The following SHB variants were observed in gnomAD, a reference collection of about 807,000 sequenced individuals.
SHB encodes SH2 domain containing adaptor protein B, also known as SH2 domain-containing adapter protein B.
SHB carries 20 observed loss-of-function variants against 52.3 expected under a neutral mutation model. That is an observed-to-expected ratio of 0.38 (90% CI 0.27 to 0.56). The LOEUF (loss-of-function observed/expected upper bound fraction) is 0.56. SHB is among the 20% of genes least tolerant of loss of function. The pLI is 0.71. For synonymous variants in SHB, 397 were observed against 316.5 expected (o/e 1.25, Z -2.70); for missense variants, 825 against 723.3 (o/e 1.14, Z -1.61).
At chr9:38,061,875 C>T (rs754307685) in intron 1 of SHB, among the ~76,000 whole-genome samples, 5 of 152,206 alleles carry the variant, frequency 3.3e-5, no homozygotes, top group African/African-American at 4.8e-5. Flanking sequence ...ATGACAGTTA[C>T]AAGACTCACG....
intron 5 of SHB, among the ~76,000 whole-genome samples, chr9:37,932,973 T>G (rs1337364882): frequency 6.6e-6 from 1 of 152,178 alleles, no homozygotes; most frequent in Non-Finnish European, 1.5e-5. Flanking sequence ...ATATCTTCAT[T>G]ATACACAATA....
chr9:37,948,866 GCA>G, intron 4 of SHB, 112 bp from the exon 5 acceptor site: 1 of 1,397,744 alleles, frequency 7.2e-7, no homozygotes, highest in Non-Finnish European at 9.8e-7. Context: ...AAGCAGGCAT[GCA>G]CTGGTTCATT....
In SHB at chr9:38,055,250, A is replaced by G. The variant is rs1821799238; in HGVS notation, c.717+12679T>C. The stretch of plus-strand genomic sequence containing the variant: ...TTTTTCCTGGATTTATTCCCCATGA[A>G]CACTCCACGACTTAATCTTTTCCTT... On this transcript the variant is annotated intron_variant, in intron 1 of 5. Coordinates refer to ENST00000377707, the MANE Select transcript of SHB (RefSeq NM_003028.3). 2.0e-5 allele frequency among the ~76,000 whole-genome samples: 3 copies of G among 152,164 alleles called. No individual in the cohort carries two copies. The South Asian group carries it at 6.2e-4, about 31-fold the overall frequency.
At chr9:37,927,586 T>C (rs1320948584) in intron 5 of SHB, among the ~76,000 whole-genome samples, 1 of 152,190 alleles carries the variant, frequency 6.6e-6, no homozygotes, top group African/African-American at 2.4e-5. Context: ...ATAAGGCTCG[T>C]TTTAGCACAC....
chr9:38,067,947 C>G lies in SHB; in HGVS notation c.699G>C (p.Gly233=). 1 of 1,543,680 alleles carries G rather than the reference C, an allele frequency of 6.5e-7. No homozygotes were observed. Among genetic ancestry groups the G allele is most frequent in the Non-Finnish European group, 8.7e-7 (1 of 1,155,302 alleles). The change falls in exon 1 of 6, where the codon GGG becomes GGC. Residue 233 remains glycine (G), a synonymous_variant. Coordinates refer to ENST00000377707, the MANE Select transcript of SHB (RefSeq NM_003028.3). ...ACCTTACCTTGTCCTTCTTGCCGGC[C>G]CCGCTCTCCTCCGCGGCTGAGGCGG... ...KCAASAAEES[G]AGKKDKVTIA...
chr9:38,068,382 C>A lies in SHB; in HGVS notation c.264G>T (p.Lys88Asn). 1 of 1,576,286 alleles carries A rather than the reference C, an allele frequency of 6.3e-7. No homozygotes were observed. The highest frequency in any genetic ancestry group is 1.2e-5 in the South Asian group (1 of 86,248). The change falls in exon 1 of 6, where the codon AAG (lysine) becomes AAT (asparagine). Residue 88 changes from lysine (K) to asparagine (N), a missense_variant. Transcript: ENST00000377707. ...SDLIRAYRAQKERDFEDPYNG... is the reference protein window; with the variant it reads ...SDLIRAYRAQNERDFEDPYNG... ...TGTAGGGGTCCTCGAAGTCTCGCTC[C>A]TTCTGCGCGCGGTAGGCGCGGATGA...
At chr9:37,965,652 T>A (rs370699424) in intron 3 of SHB, among the ~76,000 whole-genome samples, 6 of 151,372 alleles carry the variant, frequency 4.0e-5, no homozygotes, top group East Asian at 3.9e-4. Context: ...TTCGGCTGAC[T>A]ACAACCTCCA....
At chr9:37,978,759 T>C (rs1820685346) in intron 2 of SHB, among the ~76,000 whole-genome samples, 2 of 152,128 alleles carry the variant, frequency 1.3e-5, no homozygotes. Context: ...AAAAACCCAA[T>C]ACAGGAAGGT....
chr9:38,065,569 AG>A (rs1821951075), intron 1 of SHB, among the ~76,000 whole-genome samples: 1 of 152,156 alleles, frequency 6.6e-6, no homozygotes, highest in African/African-American at 2.4e-5. Context: ...CTAAAGTTTG[AG>A]GATCGCTGCA....
chr9:38,009,151 G>A (rs998381208), intron 2 of SHB, among the ~76,000 whole-genome samples: 1 of 152,200 alleles, frequency 6.6e-6, no homozygotes, highest in African/African-American at 2.4e-5. Context: ...CCGGTCTCCG[G>A]GAGAGTTCAT....
chr9:37,987,609 G>A (rs1040955342), intron 2 of SHB, among the ~76,000 whole-genome samples: 1 of 152,240 alleles, frequency 6.6e-6, no homozygotes, highest in Non-Finnish European at 1.5e-5. Context: ...CCCTCTGGCT[G>A]TCAGTTGGTC....
chr9:38,040,568 C>T (rs1821562450), intron 1 of SHB, among the ~76,000 whole-genome samples: 1 of 152,084 alleles, frequency 6.6e-6, no homozygotes, highest in Admixed American at 6.6e-5. Flanking sequence ...AGCGAGTGGG[C>T]GGGCAGGCAG....
At chr9:37,948,608 G>T in intron 5 of SHB, 27 bp downstream of exon 5, 2 of 1,611,804 alleles carry the variant, frequency 1.2e-6, no homozygotes, top group Non-Finnish European at 1.7e-6. Flanking sequence ...GCCGAGGAGG[G>T]CTGGGGGTGC....
chr9:37,962,184 C>A (rs1042904372), intron 3 of SHB, among the ~76,000 whole-genome samples: 1 of 152,204 alleles, frequency 6.6e-6, no homozygotes, highest in Non-Finnish European at 1.5e-5. Flanking sequence ...CCCCTGTAAG[C>A]GGGAGACCCT....
At chr9:37,991,857 A>G (rs1820885319) in intron 2 of SHB, among the ~76,000 whole-genome samples, 1 of 152,202 alleles carries the variant, frequency 6.6e-6, no homozygotes, top group Non-Finnish European at 1.5e-5. Context: ...GAGGTCAGAC[A>G]CCCTGTCAGA....
At chr9:38,046,247 A>G (rs1301091861) in intron 1 of SHB, among the ~76,000 whole-genome samples, 3 of 152,332 alleles carry the variant, frequency 2.0e-5, no homozygotes, top group South Asian at 2.1e-4. Context: ...CACTTCTGTA[A>G]GTAAAGCATT....
rs1587234024 is a variant in SHB, at chr9:37,993,493, G to T, written c.839-18656C>A. Among the ~76,000 whole-genome samples, 3 of 152,246 alleles carry T rather than the reference G, an allele frequency of 2.0e-5. 1 individual carries two copies. The highest frequency in any genetic ancestry group is 2.0e-4 in the Admixed American group (3 of 15,300). On this transcript the variant is annotated intron_variant, in intron 2 of 5. Coordinates refer to ENST00000377707, the MANE Select transcript of SHB (RefSeq NM_003028.3). ...TTAATGGGTGCAGCACACCAACATG[G>T]CACATGTATACATATGTGACAAACC... is the stretch of plus-strand genomic sequence containing the variant.
rs35453970 is a variant in SHB, at chr9:37,918,487, CTGTG to C, written c.*1330_*1333del. On this transcript the variant is annotated 3_prime_UTR_variant, in exon 6 of 6. Coordinates refer to ENST00000377707, the MANE Select transcript of SHB (RefSeq NM_003028.3). ...TGGAAGCAGTGTGGACCACTGAGGGCTGTGTGTGTGTGTGTGTGTGTGTGTGTAG... is the reference window on the plus strand; with the variant it reads ...TGGAAGCAGTGTGGACCACTGAGGGCTGTGTGTGTGTGTGTGTGTGTGTAG... Among the ~76,000 whole-genome samples the C allele has an allele frequency of 6.4e-3, 289 of 45,492 alleles. 2 individuals are homozygous for C. Among genetic ancestry groups the C allele is most frequent in the Non-Finnish European group, 7.2e-3 (179 of 24,726 alleles). The allele number at this position is 45,492 out of a possible 152,430, so 29.8% of individuals were successfully genotyped here.
At position 37,949,080 on chromosome 9, in the gene SHB, G is replaced by A. The variant is rs1417677112; in HGVS notation, c.1227-326C>T. ...GCTCATGGAGCTGGGGGCTGGTGAG[G>A]GACTATTTCAGGCAGGGTGGCCAGG... On this transcript the variant is annotated intron_variant, in intron 4 of 5. Coordinates refer to ENST00000377707, the MANE Select transcript of SHB (RefSeq NM_003028.3). 3.3e-5 allele frequency among the ~76,000 whole-genome samples: 5 copies of A among 152,166 alleles called. No individual in the cohort carries two copies. In the East Asian group the frequency reaches 9.6e-4, roughly 29 times the overall value.
Sources: allele counts gnomAD v4.1 joint callset (sites outside exome capture counted in the v4.1 genomes callset), GRCh38; gene constraint gnomAD v4.1.1; transcripts MANE v1.5; gene names NCBI Gene and HGNC (gene_info 2026-07-23, HGNC 2026-07-21).